Variants in FGGY observed in about 807,000 individuals in gnomAD.
The protein encoded by FGGY is FGGY carbohydrate kinase domain-containing protein.
A neutral mutation model predicts 71.3 loss-of-function variants in FGGY; 72 were observed. That is an observed-to-expected ratio of 1.01 (90% CI 0.84 to 1.23). The LOEUF is 1.23. Ranked by LOEUF, FGGY falls within the 50% of genes most tolerant of loss-of-function variation. FGGY has a pLI of 0.00. For synonymous variants in FGGY, 251 were observed against 250.3 expected (o/e 1.00, Z -0.02); for missense variants, 668 against 682.3 (o/e 0.98, Z 0.23).
intron 5 of FGGY, among the ~76,000 whole-genome samples, chr1:59,415,106 C>T (rs567010571): frequency 6.6e-6 from 1 of 152,224 alleles, no homozygotes; most frequent in South Asian, 2.1e-4. Flanking sequence ...ACGGAGTTAC[C>T]CTCAGCTCAA....
chr1:59,525,895 A>T (rs2094963369), intron 7 of FGGY, among the ~76,000 whole-genome samples: 1 of 152,224 alleles, frequency 6.6e-6, no homozygotes, highest in South Asian at 2.1e-4. Flanking sequence ...ACATGTGTTT[A>T]TGCATGGATC....
intron 15 of FGGY, among the ~76,000 whole-genome samples, chr1:59,762,262 G>T (rs1404127740): frequency 6.6e-6 from 1 of 151,942 alleles, no homozygotes; most frequent in East Asian, 1.9e-4. Context: ...GCTAATTTTT[G>T]TATTTTTAAG....
intron 7 of FGGY, among the ~76,000 whole-genome samples, chr1:59,517,994 C>T (rs1328252573): frequency 3.9e-5 from 6 of 152,182 alleles, no homozygotes; most frequent in Non-Finnish European, 7.3e-5. Flanking sequence ...TACCAAGTTT[C>T]GGCCAAGAGC....
At chr1:59,758,517 A>G (rs1327361935) in intron 15 of FGGY, among the ~76,000 whole-genome samples, 1 of 152,234 alleles carries the variant, frequency 6.6e-6, no homozygotes, top group Non-Finnish European at 1.5e-5. Context: ...GAACAACGGG[A>G]TAAGTTCCAC....
At chr1:59,630,320 G>A (rs966606587) in intron 10 of FGGY, among the ~76,000 whole-genome samples, 1 of 152,112 alleles carries the variant, frequency 6.6e-6, no homozygotes, top group Non-Finnish European at 1.5e-5. Context: ...ACTAATGATT[G>A]TAAGAGGAGG....
At chr1:59,456,230 C>T (rs1037475040) in intron 5 of FGGY, among the ~76,000 whole-genome samples, 1 of 152,126 alleles carries the variant, frequency 6.6e-6, no homozygotes, top group Non-Finnish European at 1.5e-5. Flanking sequence ...TACCATGTAT[C>T]TTATACAAAC....
At chr1:59,613,980 A>C (rs1304665731) in intron 9 of FGGY, among the ~76,000 whole-genome samples, 1 of 152,248 alleles carries the variant, frequency 6.6e-6, no homozygotes, top group African/African-American at 2.4e-5. Flanking sequence ...GACCAATAAC[A>C]GGCTCTGAAA....
At chr1:59,723,718 C>T (rs2100713550) in intron 14 of FGGY, among the ~76,000 whole-genome samples, 1 of 152,266 alleles carries the variant, frequency 6.6e-6, no homozygotes, top group African/African-American at 2.4e-5. Context: ...ATACTACATT[C>T]CATCATGGGA....
intron 13 of FGGY, among the ~76,000 whole-genome samples, chr1:59,668,443 T>C (rs557907917): frequency 6.6e-6 from 1 of 152,232 alleles, no homozygotes; most frequent in South Asian, 2.1e-4. Context: ...CCTACCTCCA[T>C]TTATCATTAT....
intron 2 of FGGY, among the ~76,000 whole-genome samples, chr1:59,338,150 T>C (rs1484010864): frequency 6.6e-6 from 1 of 152,198 alleles, no homozygotes; most frequent in East Asian, 1.9e-4. Flanking sequence ...AATTAATTTA[T>C]GGATATTAAA....
chr1:59,393,212 C>G (rs1204977523), intron 5 of FGGY: 1 of 152,194 alleles, frequency 6.6e-6, no homozygotes, highest in Non-Finnish European at 1.5e-5. Flanking sequence ...GAGATAGTTT[C>G]TAAAGAGGTG....
At chr1:59,669,168 G>A (rs2097353058) in intron 13 of FGGY, among the ~76,000 whole-genome samples, 1 of 152,168 alleles carries the variant, frequency 6.6e-6, no homozygotes, top group Non-Finnish European at 1.5e-5. Flanking sequence ...TTACAGACAA[G>A]CAAGTTGATG....
intron 5 of FGGY, among the ~76,000 whole-genome samples, chr1:59,431,538 T>C (rs941108892): frequency 6.6e-6 from 1 of 152,216 alleles, no homozygotes; most frequent in African/African-American, 2.4e-5. Flanking sequence ...TATTTGTTTA[T>C]CTGATAGTCC....
intron 8 of FGGY, among the ~76,000 whole-genome samples, chr1:59,602,899 A>G (rs1227744402): frequency 2.0e-5 from 3 of 152,196 alleles, no homozygotes; most frequent in Non-Finnish European, 4.4e-5. Context: ...CCCTGAGGTA[A>G]GCGACCATGC....
intron 6 of FGGY, among the ~76,000 whole-genome samples, chr1:59,471,599 G>A (rs889307468): frequency 4.6e-5 from 7 of 152,162 alleles, no homozygotes; most frequent in East Asian, 1.9e-4. Flanking sequence ...CTTTAGTATC[G>A]AATTTCTGCC....
chr1:59,706,036 C>T (rs971600977), intron 14 of FGGY, among the ~76,000 whole-genome samples: 2 of 152,158 alleles, frequency 1.3e-5, no homozygotes, highest in Admixed American at 6.5e-5. Context: ...CCACAGTGGC[C>T]GACCCCTTTA....
chr1:59,736,671 T>A (rs2101096480), intron 14 of FGGY, among the ~76,000 whole-genome samples: 1 of 152,230 alleles, frequency 6.6e-6, no homozygotes, highest in African/African-American at 2.4e-5. Context: ...AGCAAAGCAT[T>A]GAGGAGGTGA....
chr1:59,637,673 C>T (rs776649754), intron 10 of FGGY, among the ~76,000 whole-genome samples: 2 of 152,228 alleles, frequency 1.3e-5, no homozygotes, highest in Non-Finnish European at 2.9e-5. Context: ...GTCTCTAACT[C>T]CTGATCCTAA....
At chr1:59,643,334 G>A (rs1480349030) in intron 11 of FGGY, among the ~76,000 whole-genome samples, 1 of 151,990 alleles carries the variant, frequency 6.6e-6, no homozygotes, top group Non-Finnish European at 1.5e-5. Flanking sequence ...GACTACACAG[G>A]CACATGTCAG....
Sources: allele counts gnomAD v4.1 joint callset (sites outside exome capture counted in the v4.1 genomes callset), GRCh38; gene constraint gnomAD v4.1.1; transcripts MANE v1.5; gene names NCBI Gene and HGNC (gene_info 2026-07-23, HGNC 2026-07-21).